Variants in ZFPM2 observed in about 807,000 individuals in gnomAD.
ZFPM2 encodes zinc finger protein ZFPM2.
In ZFPM2, 20 loss-of-function variants were observed where a neutral mutation model predicts 98.6. That is an observed-to-expected ratio of 0.20 (90% CI 0.14 to 0.29). The LOEUF is 0.29. Ranked by LOEUF, ZFPM2 falls within the 10% of genes least tolerant of loss-of-function variation. ZFPM2 has a pLI of 1.00. For missense variants in ZFPM2, 1,310 were observed against 1,388.6 expected (o/e 0.94, Z 0.90); for synonymous variants, 518 against 502.7 (o/e 1.03, Z -0.41).
chr8:105,592,650 T>C, intron 4 of ZFPM2, among the ~76,000 whole-genome samples: 1 of 152,124 alleles, frequency 6.6e-6, no homozygotes. Context: ...ATTGATGGAA[T>C]TCTGTGAGTT....
intron 1 of ZFPM2, among the ~76,000 whole-genome samples, chr8:105,335,824 A>C (rs1812314897): frequency 1.3e-5 from 2 of 151,810 alleles, no homozygotes; most frequent in African/African-American, 4.8e-5. Flanking sequence ...TGTTACTAGG[A>C]TCCATCTTCA....
chr8:105,370,458 T>C (rs1422006656), intron 1 of ZFPM2, among the ~76,000 whole-genome samples: 12 of 152,332 alleles, frequency 7.9e-5, no homozygotes, highest in African/African-American at 2.4e-4. Flanking sequence ...AAACATTGAA[T>C]GGAGGTTGGG....
At chr8:105,791,367 G>C (rs200822519) in intron 6 of ZFPM2, among the ~76,000 whole-genome samples, 1 of 151,998 alleles carries the variant, frequency 6.6e-6, no homozygotes, top group Non-Finnish European at 1.5e-5. Context: ...TTTGTCTTTG[G>C]TTCTGTTTAT....
At chr8:105,447,473 C>T (rs1321799416) in intron 3 of ZFPM2, among the ~76,000 whole-genome samples, 1 of 151,922 alleles carries the variant, frequency 6.6e-6, no homozygotes, top group East Asian at 1.9e-4. Flanking sequence ...GTCTTGAAGC[C>T]GAACCTTTAG....
chr8:105,386,204 A>G (rs1254923430), intron 1 of ZFPM2, among the ~76,000 whole-genome samples: 1 of 152,200 alleles, frequency 6.6e-6, no homozygotes, highest in Admixed American at 6.5e-5. Flanking sequence ...GAAGAGCCCA[A>G]CCGAAAGTAG....
intron 3 of ZFPM2, among the ~76,000 whole-genome samples, chr8:105,516,499 G>A (rs1438966537): frequency 1.3e-5 from 2 of 152,168 alleles, no homozygotes; most frequent in Non-Finnish European, 1.5e-5. Flanking sequence ...CTGAATAGTG[G>A]TAGTTTTTAA....
chr8:105,640,296 T>C (rs1463353390), intron 5 of ZFPM2, among the ~76,000 whole-genome samples: 1 of 149,184 alleles, frequency 6.7e-6, no homozygotes, highest in African/African-American at 2.4e-5. Flanking sequence ...TACATATTTA[T>C]CAGCAATTTT....
chr8:105,448,506 T>C (rs557565941), intron 3 of ZFPM2, among the ~76,000 whole-genome samples: 5 of 152,046 alleles, frequency 3.3e-5, no homozygotes, highest in Non-Finnish European at 5.9e-5. Context: ...AACATCATGC[T>C]GTCTGTATTC....
chr8:105,580,825 C>CTATA (rs774123584), intron 4 of ZFPM2, among the ~76,000 whole-genome samples: 3,237 of 134,968 alleles, frequency 0.024, 62 homozygotes, highest in African/African-American at 0.059. Context: ...CTCTCTCTCT[C>CTATA]TCTATATATA....
chr8:105,542,145 TG>T (rs1236471727), intron 3 of ZFPM2, among the ~76,000 whole-genome samples: 12 of 152,150 alleles, frequency 7.9e-5, no homozygotes, highest in Non-Finnish European at 1.3e-4. Context: ...TTGCTAGCTT[TG>T]TAATTAATTT....
chr8:105,325,269 G>A (rs145693761), intron 1 of ZFPM2, among the ~76,000 whole-genome samples: 190 of 151,946 alleles, frequency 1.3e-3, no homozygotes, highest in South Asian at 5.0e-3. Flanking sequence ...AAACTGAAAT[G>A]CAATTAAATT....
rs2130635360 is a variant in ZFPM2, at chr8:105,318,877, C to CGG, written c.-65_-64insGG. ...GCGGCGGCGGCGGCGGCGGCGGGAGCCGAGGGAGCGGCAGCCGCGACCGCG... is the reference window on the plus strand; with the variant it reads ...GCGGCGGCGGCGGCGGCGGCGGGAGCGGCGAGGGAGCGGCAGCCGCGACCGCG... On this transcript the variant is annotated 5_prime_UTR_variant, in exon 1 of 8. Transcript: ENST00000407775. 5 of 1,087,136 alleles carry CGG rather than the reference C, an allele frequency of 4.6e-6. No homozygotes were observed. In the East Asian group the frequency reaches 2.0e-4, roughly 43 times the overall value. The allele number at this position is 1,087,136 out of a possible 1,614,324, so 67.3% of individuals were successfully genotyped here.
In ZFPM2 at chr8:105,441,476, A is replaced by AAGAC. The variant is rs1812244490; in HGVS notation, c.200-2801_200-2800insCAGA. Among the ~76,000 whole-genome samples the AAGAC allele has an allele frequency of 6.5e-5, 6 of 91,732 alleles. 1 individual carries two copies. Among genetic ancestry groups the AAGAC allele is most frequent in the Non-Finnish European group, 1.2e-4 (6 of 51,896 alleles). The allele number at this position is 91,732 out of a possible 152,430, so 60.2% of individuals were successfully genotyped here. ...AGAGAAAGAAAGAAAGAAAGAAAGA[A>AAGAC]AGAAAGAAAGAAAGAAAGAAAGAAA... On this transcript the variant is annotated intron_variant, in intron 2 of 7. Coordinates refer to ENST00000407775, the MANE Select transcript of ZFPM2 (RefSeq NM_012082.4).
chr8:105,719,837 A>G (rs755248021), intron 5 of ZFPM2, among the ~76,000 whole-genome samples: 10 of 151,886 alleles, frequency 6.6e-5, no homozygotes, highest in South Asian at 2.1e-4. Context: ...GTTTCTCCAT[A>G]CCAGTGGTCT....
intron 2 of ZFPM2, among the ~76,000 whole-genome samples, chr8:105,437,837 G>T (rs948165503): frequency 6.6e-6 from 1 of 152,114 alleles, no homozygotes. Context: ...GAGGTCAGGA[G>T]TTCGTGACCA....
intron 1 of ZFPM2, among the ~76,000 whole-genome samples, chr8:105,385,165 G>C (rs1357603286): frequency 6.6e-6 from 1 of 152,160 alleles, no homozygotes; most frequent in Non-Finnish European, 1.5e-5. Flanking sequence ...GCACAACTGA[G>C]CCTGTGGCCC....
intron 1 of ZFPM2, among the ~76,000 whole-genome samples, chr8:105,369,610 T>C (rs1810578855): frequency 6.6e-6 from 1 of 152,150 alleles, no homozygotes. Context: ...AGCAAAATGA[T>C]TTTTATGGTT....
chr8:105,771,892 C>G (rs1812984580), intron 5 of ZFPM2, among the ~76,000 whole-genome samples: 1 of 152,084 alleles, frequency 6.6e-6, no homozygotes, highest in African/African-American at 2.4e-5. Flanking sequence ...TTTTTAACTT[C>G]CTTTGTTTTA....
chr8:105,693,523 A>G (rs1323992901), intron 5 of ZFPM2, among the ~76,000 whole-genome samples: 2 of 152,218 alleles, frequency 1.3e-5, no homozygotes, highest in Non-Finnish European at 2.9e-5. Flanking sequence ...TACTTAGGAA[A>G]GCATAGCCAA....
Sources: allele counts gnomAD v4.1 joint callset (sites outside exome capture counted in the v4.1 genomes callset), GRCh38; gene constraint gnomAD v4.1.1; transcripts MANE v1.5; gene names NCBI Gene and HGNC (gene_info 2026-07-23, HGNC 2026-07-21).